The following CRB1 variants were observed in gnomAD, a reference collection of about 807,000 sequenced individuals.
The protein encoded by CRB1 is crumbs cell polarity complex component 1.
In CRB1, 83 loss-of-function variants were observed where a neutral mutation model predicts 120.0. The observed-to-expected ratio is 0.69, with a 90% CI of 0.58 to 0.83. The LOEUF (loss-of-function observed/expected upper bound fraction) is 0.83, where lower values mean the gene tolerates loss of function less well. CRB1 is among the 40% of genes least tolerant of loss of function. The pLI, the probability that CRB1 is intolerant of heterozygous loss-of-function variation, is 0.00. For synonymous variants in CRB1, 625 were observed against 612.5 expected (o/e 1.02, Z -0.30); for missense variants, 1,699 against 1,687.6 (o/e 1.01, Z -0.12).
chr1:197,406,997 A>C (rs933049218), intron 5 of CRB1, among the ~76,000 whole-genome samples: 1 of 152,206 alleles, frequency 6.6e-6, no homozygotes, highest in Non-Finnish European at 1.5e-5. Flanking sequence ...TTGCTGGGAC[A>C]TTTGACCTCC....
intron 1 of CRB1, among the ~76,000 whole-genome samples, chr1:197,305,794 TTCTTGCA>T (rs1425637919): frequency 1.3e-5 from 2 of 150,654 alleles, no homozygotes; most frequent in African/African-American, 4.9e-5. Flanking sequence ...TTGCAAGGAG[TTCTTGCA>T]ATTCCTCTAT....
At chr1:197,458,745 A>G (rs1249623201) in intron 11 of CRB1, among the ~76,000 whole-genome samples, 1 of 152,188 alleles carries the variant, frequency 6.6e-6, no homozygotes, top group Non-Finnish European at 1.5e-5. Context: ...GAGAAGAAGG[A>G]GAGCAGGGAA....
intron 4 of CRB1, among the ~76,000 whole-genome samples, chr1:197,348,501 G>A (rs1312888052): frequency 1.3e-5 from 2 of 152,030 alleles, no homozygotes; most frequent in Non-Finnish European, 2.9e-5. Context: ...TTTTGAAACG[G>A]AGTCTCTCTC....
intron 11 of CRB1, among the ~76,000 whole-genome samples, chr1:197,458,255 G>A (rs1357446275): frequency 6.6e-6 from 1 of 152,032 alleles, no homozygotes; most frequent in South Asian, 2.1e-4. Context: ...AGCTAGTAGA[G>A]TTTACAAGTA....
intron 5 of CRB1, among the ~76,000 whole-genome samples, chr1:197,363,068 A>T (rs1242349247): frequency 6.6e-6 from 1 of 150,722 alleles, no homozygotes; most frequent in Admixed American, 6.6e-5. Context: ...GGTATGACTG[A>T]TCACAGCCTA....
intron 11 of CRB1, among the ~76,000 whole-genome samples, chr1:197,461,595 A>G (rs1666532990): frequency 6.6e-6 from 1 of 152,136 alleles, no homozygotes; most frequent in Admixed American, 6.6e-5. Context: ...GTATAACAAG[A>G]ACCATCATCA....
At chr1:197,306,576 A>C (rs1232693258) in intron 1 of CRB1, among the ~76,000 whole-genome samples, 1 of 152,174 alleles carries the variant, frequency 6.6e-6, no homozygotes, top group Non-Finnish European at 1.5e-5. Context: ...TTAGGATTGT[A>C]GTGGAGTGTT....
At chr1:197,453,880 TATATTATTA>T (rs1440679654) in intron 11 of CRB1, among the ~76,000 whole-genome samples, 7 of 141,462 alleles carry the variant, frequency 4.9e-5, no homozygotes, top group Non-Finnish European at 9.1e-5. Flanking sequence ...ATTAATAATA[TATATTATTA>T]ATATTATTAT....
chr1:197,440,102 T>C (rs1665361306), intron 10 of CRB1: 1 of 152,186 alleles, frequency 6.6e-6, no homozygotes. Context: ...TCCAATTCCA[T>C]GTATCTTTCA....
intron 5 of CRB1, among the ~76,000 whole-genome samples, chr1:197,367,947 C>G (rs1661166209): frequency 6.6e-6 from 1 of 152,192 alleles, no homozygotes; most frequent in African/African-American, 2.4e-5. Flanking sequence ...ACAGGGCTTT[C>G]GTTCTCAAGT....
chr1:197,419,995 A>C (rs569830433), intron 5 of CRB1, among the ~76,000 whole-genome samples: 7 of 77,952 alleles, frequency 9.0e-5, no homozygotes, highest in South Asian at 9.2e-4. Flanking sequence ...ACGAAAAAAA[A>C]AAAACAAACA....
At chr1:197,207,391 G>A in the CRB1 span, among the ~76,000 whole-genome samples, 1 of 151,732 alleles carries the variant, frequency 6.6e-6, no homozygotes, top group Admixed American at 6.6e-5. Context: ...GCTCTTTTTA[G>A]CAGTTCTTGT....
intron 5 of CRB1, among the ~76,000 whole-genome samples, chr1:197,400,657 A>C (rs558387082): frequency 2.0e-5 from 3 of 152,124 alleles, no homozygotes; most frequent in Admixed American, 2.0e-4. Context: ...TCCTCTCCTC[A>C]CTTTGATGTA....
chr1:197,332,875 C>T (rs7534703), intron 2 of CRB1, among the ~76,000 whole-genome samples: 2,202 of 152,178 alleles, frequency 0.014, 22 homozygotes, highest in Non-Finnish European at 0.022. Flanking sequence ...TTGTGGCAGC[C>T]CAGGCCAACT....
chr1:197,471,952 G>A (rs1489283066), intron 11 of CRB1, among the ~76,000 whole-genome samples: 1 of 152,138 alleles, frequency 6.6e-6, no homozygotes, highest in African/African-American at 2.4e-5. Flanking sequence ...GTTAGTGGAT[G>A]AGCATTCGAG....
intron 4 of CRB1, among the ~76,000 whole-genome samples, chr1:197,354,652 G>A (rs115527095): frequency 0.02 from 3,071 of 152,100 alleles, 90 homozygotes; most frequent in African/African-American, 0.066. Context: ...AGACCTTCAT[G>A]GTGAGTGCTA....
the CRB1 span, chr1:197,222,740 T>C: frequency 1.1e-5 from 10 of 899,032 alleles, no homozygotes; most frequent in Admixed American, 1.7e-4. Flanking sequence ...GTAGGAACAA[T>C]GGAGTTGACT....
intron 4 of CRB1, among the ~76,000 whole-genome samples, chr1:197,350,049 G>A (rs911969757): frequency 3.3e-5 from 5 of 150,488 alleles, no homozygotes; most frequent in African/African-American, 4.9e-5. Context: ...GCAGTGAGCC[G>A]AGATTGCGCC....
Position 197,268,411 on chromosome 1 carries a change from C to T in CRB1, c.-2C>T, listed in dbSNP as rs202209651. 1.9e-5 allele frequency: 30 copies of T among 1,605,148 alleles called. No homozygotes were observed. Among genetic ancestry groups the T allele is most frequent in the Admixed American group, 1.2e-4 (7 of 59,958 alleles). The stretch of plus-strand genomic sequence containing the variant: ...ACCAGAGGATGTTCTCTAAATAAGA[C>T]CATGGCACTTAAGAACATTAACTAC... On this transcript the variant is annotated 5_prime_UTR_variant, in exon 1 of 12. Coordinates refer to ENST00000367400, the MANE Select transcript of CRB1 (RefSeq NM_201253.3).
Sources: gnomAD v4.1 joint callset for allele counts (sites outside exome capture counted in the v4.1 genomes callset) on GRCh38, gnomAD v4.1.1 for gene constraint, MANE v1.5 for transcripts, NCBI Gene and HGNC (gene_info 2026-07-23, HGNC 2026-07-21) for gene names.